Variants in FAM53B observed in about 807,000 individuals in gnomAD.
The protein encoded by FAM53B is family with sequence similarity 53 member B.
A neutral mutation model predicts 32.7 loss-of-function variants in FAM53B; 12 were observed. The observed-to-expected ratio is 0.37, with a 90% CI of 0.24 to 0.59. FAM53B has a LOEUF of 0.59. FAM53B is among the 20% of genes least tolerant of loss of function. The pLI is 0.72. For missense variants in FAM53B, 477 were observed against 577.7 expected (o/e 0.83, Z 1.79); for synonymous variants, 234 against 228.7 (o/e 1.02, Z -0.21).
At chr10:124,669,962 T>A (rs201114189) in intron 4 of FAM53B, among the ~76,000 whole-genome samples, 4 of 42,710 alleles carry the variant, frequency 9.4e-5, no homozygotes, top group Admixed American at 2.8e-4. Flanking sequence ...TGGGTGAGGA[T>A]TACAGGGTGG....
rs573087886 is a variant in FAM53B, at chr10:124,674,584, G to A, written c.906+7023C>T. Reference sequence around the variant, plus strand: ...CCTCTGTCTCCTCGTCTCAGCCCACGCTCCCTGCTTCTCCTTCAGAAGCCT... The same window carrying A: ...CCTCTGTCTCCTCGTCTCAGCCCACACTCCCTGCTTCTCCTTCAGAAGCCT... On this transcript the variant is annotated intron_variant, in intron 4 of 4. Transcript: ENST00000337318. Among the ~76,000 whole-genome samples the A allele has an allele frequency of 7.2e-5, 11 of 152,282 alleles. No homozygotes were observed. In the South Asian group the frequency reaches 1.5e-3, roughly 20 times the overall value.
chr10:124,640,332 T>A (rs576333648), intron 4 of FAM53B, among the ~76,000 whole-genome samples: 163 of 152,204 alleles, frequency 1.1e-3, no homozygotes, highest in Non-Finnish European at 1.9e-3. Flanking sequence ...GGAGGGATCG[T>A]GTTCCTGAGC....
At chr10:124,679,550 C>A (rs35645049) in intron 4 of FAM53B, among the ~76,000 whole-genome samples, 1 of 152,148 alleles carries the variant, frequency 6.6e-6, no homozygotes, top group African/African-American at 2.4e-5. Flanking sequence ...GAGGGCTGAC[C>A]AGGGTCTAGA....
Position 124,732,784 on chromosome 10 carries a change from G to A in FAM53B, c.-175+11229C>T, listed in dbSNP as rs533823335. Among the ~76,000 whole-genome samples, 166 of 150,902 alleles carry A rather than the reference G, an allele frequency of 1.1e-3. 1 individual carries two copies. Among genetic ancestry groups the A allele is most frequent in the Non-Finnish European group, 2.0e-3 (139 of 67,850 alleles). On this transcript the variant is annotated intron_variant, in intron 1 of 4. Coordinates refer to ENST00000337318, the MANE Select transcript of FAM53B (RefSeq NM_014661.4). ...TGAGGTTGCACTGAGCAGAGATCAC[G>A]CCACTGCTGCACTCCAGCCTGGGTG... is the stretch of plus-strand genomic sequence containing the variant.
At chr10:124,711,200 G>A (rs938494412) in intron 1 of FAM53B, among the ~76,000 whole-genome samples, 1 of 152,190 alleles carries the variant, frequency 6.6e-6, no homozygotes, top group South Asian at 2.1e-4. Flanking sequence ...CATGCAGAGT[G>A]AAAGAGCCAG....
rs1261122879 is a variant in FAM53B, at chr10:124,703,128, TC to T, written c.78+3507del. ...GCTGTGATATCGGCTCACTGCAAGC[TC>T]CGCCTCCCAGGTTCGAGCCATTCTC... On this transcript the variant is annotated intron_variant, in intron 2 of 4. Transcript: ENST00000337318. 2.0e-5 allele frequency among the ~76,000 whole-genome samples: 3 copies of T among 152,176 alleles called. No homozygotes were observed. The East Asian group carries it at 5.8e-4, about 29-fold the overall frequency.
intron 4 of FAM53B, 43 bp from the exon 5 acceptor site, chr10:124,623,647 T>A: frequency 6.4e-7 from 1 of 1,568,944 alleles, no homozygotes; most frequent in Non-Finnish European, 8.6e-7. Context: ...GTTACTCCCC[T>A]CCCGCAGCCC....
At chr10:124,654,414 C>T (rs1480697531) in intron 4 of FAM53B, among the ~76,000 whole-genome samples, 1 of 152,242 alleles carries the variant, frequency 6.6e-6, no homozygotes, top group Non-Finnish European at 1.5e-5. Context: ...TGTGGCCATG[C>T]TGGCAAGGAT....
chr10:124,720,421 A>G (rs1950062137), intron 1 of FAM53B, among the ~76,000 whole-genome samples: 1 of 152,142 alleles, frequency 6.6e-6, no homozygotes, highest in Admixed American at 6.5e-5. Context: ...TGATCACACC[A>G]CTGCCTCCAG....
intron 1 of FAM53B, among the ~76,000 whole-genome samples, chr10:124,710,328 T>C (rs1949992519): frequency 1.3e-5 from 2 of 152,346 alleles, no homozygotes; most frequent in South Asian, 4.1e-4. Flanking sequence ...ATCCCTCACA[T>C]ACCCTAGCAG....
At chr10:124,718,038 G>A (rs1383762743) in intron 1 of FAM53B, among the ~76,000 whole-genome samples, 1 of 151,920 alleles carries the variant, frequency 6.6e-6, no homozygotes, top group Admixed American at 6.6e-5. Context: ...CAAAGACACT[G>A]CACAGAGGGA....
intron 1 of FAM53B, among the ~76,000 whole-genome samples, chr10:124,712,492 C>T (rs1950010984): frequency 6.6e-6 from 1 of 152,150 alleles, no homozygotes; most frequent in South Asian, 2.1e-4. Context: ...GTGTCCATTC[C>T]CCTTTGCACA....
intron 4 of FAM53B, among the ~76,000 whole-genome samples, chr10:124,659,098 C>T (rs1039874101): frequency 6.6e-6 from 1 of 152,194 alleles, no homozygotes; most frequent in African/African-American, 2.4e-5. Context: ...GGCTGACGTG[C>T]ACCCACCCCT....
intron 4 of FAM53B, among the ~76,000 whole-genome samples, chr10:124,676,984 G>A (rs1202108114): frequency 1.3e-5 from 2 of 152,104 alleles, no homozygotes; most frequent in Non-Finnish European, 2.9e-5. Context: ...TCGACATCCC[G>A]ACCCCTCCCC....
At position 124,622,280 on chromosome 10, in the gene FAM53B, C is replaced by G. The variant is rs544066686; in HGVS notation, c.*962G>C. ...AGCGGACGCCCTTCACCCCTGAGTG[C>G]GCATAGGGCCCTCATCTGCCCACCT... On this transcript the variant is annotated 3_prime_UTR_variant, in exon 5 of 5. Coordinates refer to ENST00000337318, the MANE Select transcript of FAM53B (RefSeq NM_014661.4). 1 of 152,240 alleles carries G rather than the reference C, an allele frequency of 6.6e-6. No individual in the cohort carries two copies. Among genetic ancestry groups the G allele is most frequent in the Non-Finnish European group, 1.5e-5 (1 of 68,078 alleles). The allele number at this position is 152,240 out of a possible 1,614,324, so 9.4% of individuals were successfully genotyped here. A position where few individuals can be genotyped will look rare whatever the true frequency, so the allele number is the denominator to read the frequency against.
intron 4 of FAM53B, among the ~76,000 whole-genome samples, chr10:124,638,086 C>T (rs181183833): frequency 2.6e-5 from 4 of 152,226 alleles, no homozygotes; most frequent in East Asian, 1.9e-4. Flanking sequence ...ACACTAGGAC[C>T]GGGCCTGGCG....
intron 1 of FAM53B, among the ~76,000 whole-genome samples, chr10:124,724,050 C>T (rs761590159): frequency 3.3e-5 from 5 of 152,144 alleles, no homozygotes; most frequent in Non-Finnish European, 7.4e-5. Flanking sequence ...ACTAAGTTCA[C>T]GCAAACAGCA....
chr10:124,710,758 G>A (rs1478022706), intron 1 of FAM53B, among the ~76,000 whole-genome samples: 1 of 152,148 alleles, frequency 6.6e-6, no homozygotes, highest in South Asian at 2.1e-4. Context: ...GGTACCAGGC[G>A]CTTTACACAC....
intron 3 of FAM53B, among the ~76,000 whole-genome samples, chr10:124,683,963 G>A (rs1003126149): frequency 6.6e-6 from 1 of 152,262 alleles, no homozygotes; most frequent in Non-Finnish European, 1.5e-5. Flanking sequence ...AGACCAAAGG[G>A]AGGGCCAGGA....
Sources: gnomAD v4.1 joint callset for allele counts (sites outside exome capture counted in the v4.1 genomes callset) on GRCh38, gnomAD v4.1.1 for gene constraint, MANE v1.5 for transcripts, NCBI Gene and HGNC (gene_info 2026-07-23, HGNC 2026-07-21) for gene names.